The following DLG1 variants were observed in gnomAD, a reference collection of about 807,000 sequenced individuals.
DLG1 encodes disks large homolog 1.
A neutral mutation model predicts 123.4 loss-of-function variants in DLG1; 42 were observed. The observed-to-expected ratio is 0.34, with a 90% CI of 0.27 to 0.44. The LOEUF (loss-of-function observed/expected upper bound fraction) is 0.44. Ranked by LOEUF, DLG1 falls within the 20% of genes least tolerant of loss-of-function variation. The pLI is 1.00. For missense variants in DLG1, 942 were observed against 1,082.6 expected, an observed-to-expected ratio of 0.87 and a Z score of 1.82; for synonymous variants, 317 against 356.2, an observed-to-expected ratio of 0.89 and a Z score of 1.24.
intron 4 of DLG1, among the ~76,000 whole-genome samples, chr3:197,239,749 G>A (rs1747880651): frequency 1.4e-5 from 2 of 145,222 alleles, no homozygotes; most frequent in Admixed American, 1.4e-4. Context: ...TCCTCTCACA[G>A]AAAACCAAAA....
At chr3:197,223,757 T>C (rs187232735) in intron 4 of DLG1, among the ~76,000 whole-genome samples, 1 of 152,348 alleles carries the variant, frequency 6.6e-6, no homozygotes, top group Non-Finnish European at 1.5e-5. Context: ...TAACTAGAAG[T>C]TGTGGGATAA....
intron 4 of DLG1, among the ~76,000 whole-genome samples, chr3:197,243,481 AGTTT>A (rs1430181910): frequency 6.6e-6 from 1 of 152,228 alleles, no homozygotes; most frequent in Non-Finnish European, 1.5e-5. Flanking sequence ...TAGAAGTAAA[AGTTT>A]GTTAAACTAG....
intron 5 of DLG1, among the ~76,000 whole-genome samples, chr3:197,154,399 G>C (rs1795385612): frequency 6.6e-6 from 1 of 152,088 alleles, no homozygotes; most frequent in Non-Finnish European, 1.5e-5. Context: ...AAGATGGCCG[G>C]GCACAGTGGC....
At chr3:197,256,499 G>A (rs1422951022) in intron 4 of DLG1, among the ~76,000 whole-genome samples, 6 of 152,186 alleles carry the variant, frequency 3.9e-5, no homozygotes, top group Non-Finnish European at 5.9e-5. Context: ...CTCCACTCAC[G>A]GTGAAAAACA....
intron 14 of DLG1, among the ~76,000 whole-genome samples, chr3:197,096,378 G>C (rs1356866404): frequency 6.6e-6 from 1 of 152,118 alleles, no homozygotes; most frequent in Non-Finnish European, 1.5e-5. Context: ...ACTGGGCTCT[G>C]AGCATTCCCA....
intron 5 of DLG1, among the ~76,000 whole-genome samples, chr3:197,179,176 G>T (rs911212335): frequency 6.6e-6 from 1 of 152,164 alleles, no homozygotes; most frequent in Non-Finnish European, 1.5e-5. Context: ...CTGCAATCCG[G>T]ATGGTCTGGA....
Position 197,138,238 on chromosome 3 carries a change from G to C in DLG1, c.867C>G (p.Leu289=). 1.1e-5 allele frequency: 18 copies of C among 1,583,166 alleles called. No individual in the cohort carries two copies. The highest frequency in any genetic ancestry group is 1.6e-5 in the Non-Finnish European group (18 of 1,160,604). ...ACCACATACCTTTAGGACCTTTAAT[G>C]AGCTTTATTTCCATTATTTTTTCTG... ...PVSEKIMEIK[L]IKGPKGLGFS... is the part of the protein sequence containing the mutation. The change falls in exon 9 of 25, where the codon CTC becomes CTG. Residue 289 remains leucine (L), a synonymous_variant. Transcript: ENST00000667157.
intron 24 of DLG1, among the ~76,000 whole-genome samples, chr3:197,046,691 G>A (rs550031595): frequency 9.9e-5 from 15 of 152,210 alleles, no homozygotes; most frequent in South Asian, 2.1e-4. Context: ...GCAACATGGC[G>A]AAATCCTGTC....
intron 5 of DLG1, among the ~76,000 whole-genome samples, chr3:197,179,467 T>C (rs1247674072): frequency 6.6e-6 from 1 of 152,188 alleles, no homozygotes; most frequent in Admixed American, 6.5e-5. Flanking sequence ...AAAAAGTGGA[T>C]GGCTTGTACT....
rs182295718 is a variant in DLG1 at position 197,200,097 on chromosome 3, A to G, written c.319-5508T>C. On this transcript the variant is annotated intron_variant, in intron 4 of 24. Coordinates refer to ENST00000667157, the MANE Select transcript of DLG1 (RefSeq NM_001366207.1). ...ACTAAATTACTACTTCATTCCTGTT[A>G]GATAATTTCCAGATATCTTTCTTTA... is the stretch of plus-strand genomic sequence containing the variant. Among the ~76,000 whole-genome samples the G allele has an allele frequency of 6.0e-4, 91 of 152,284 alleles. 2 individuals are homozygous for G. In the East Asian group the frequency reaches 0.013, roughly 21 times the overall value.
In DLG1 at chr3:197,051,568, G is replaced by T. The variant is rs534071489; in HGVS notation, c.2575+9C>A. 8.1e-6 allele frequency: 13 copies of T among 1,609,184 alleles called. No individual in the cohort carries two copies. The South Asian group carries it at 1.1e-4, about 14-fold the overall frequency. Reference sequence around the variant, plus strand: ...ATCTTAAAGAGGACTGTTACAACACGGTTCCAACCTGTGAAATGTTCAGTA... The same window carrying T: ...ATCTTAAAGAGGACTGTTACAACACTGTTCCAACCTGTGAAATGTTCAGTA... On this transcript the variant is annotated intron_variant, in intron 24 of 24. Coordinates refer to ENST00000667157, the MANE Select transcript of DLG1 (RefSeq NM_001366207.1).
At chr3:197,244,576 G>C (rs186671031) in intron 4 of DLG1, among the ~76,000 whole-genome samples, 2 of 152,170 alleles carry the variant, frequency 1.3e-5, no homozygotes, top group Admixed American at 1.3e-4. Context: ...AGAAAAAAAG[G>C]CACTATAAGA....
chr3:197,133,953 A>C (rs1783887797), intron 10 of DLG1, among the ~76,000 whole-genome samples: 2 of 152,242 alleles, frequency 1.3e-5, no homozygotes, highest in African/African-American at 4.8e-5. Flanking sequence ...AGTTGATTTA[A>C]GAGAGAGACT....
intron 4 of DLG1, among the ~76,000 whole-genome samples, chr3:197,259,904 C>T (rs1758595454): frequency 2.6e-5 from 4 of 152,202 alleles, no homozygotes; most frequent in Middle Eastern, 3.4e-3. Context: ...GCTCTCAAAA[C>T]GAGTTATACT....
intron 14 of DLG1, among the ~76,000 whole-genome samples, chr3:197,101,730 T>C (rs1763572766): frequency 6.6e-6 from 1 of 152,110 alleles, no homozygotes; most frequent in Non-Finnish European, 1.5e-5. Context: ...TAAAACTTTA[T>C]AACTTTGGGA....
chr3:197,126,025 T>C (rs566193856), intron 11 of DLG1, among the ~76,000 whole-genome samples: 1 of 152,348 alleles, frequency 6.6e-6, no homozygotes, highest in Admixed American at 6.5e-5. Context: ...AGATTGTTTA[T>C]GAATTGCATA....
intron 4 of DLG1, among the ~76,000 whole-genome samples, chr3:197,218,201 CACTT>C (rs1561511819): frequency 6.6e-6 from 1 of 152,150 alleles, no homozygotes; most frequent in Non-Finnish European, 1.5e-5. Context: ...AAATATCCAA[CACTT>C]ACAAAAACGA....
chr3:197,043,343 GACA>G lies in DLG1; in HGVS notation c.*1277_*1279del, dbSNP rs1553853421. The G allele has an allele frequency of 6.6e-6, 1 of 152,024 alleles. No individual in the cohort carries two copies. The allele number at this position is 152,024 out of a possible 1,614,324, so 9.4% of individuals were successfully genotyped here. On this transcript the variant is annotated 3_prime_UTR_variant, in exon 25 of 25. Coordinates refer to ENST00000667157, the MANE Select transcript of DLG1 (RefSeq NM_001366207.1). Reference sequence around the variant, plus strand: ...TGACAAGAACAACAGTAACAACACGGACAACAACAAAAAACCTCAGGAACCATT... The same window carrying G: ...TGACAAGAACAACAGTAACAACACGGACAACAAAAAACCTCAGGAACCATT...
chr3:197,178,209 G>A (rs965357559), intron 5 of DLG1, among the ~76,000 whole-genome samples: 2 of 152,170 alleles, frequency 1.3e-5, no homozygotes, highest in African/African-American at 4.8e-5. Context: ...GAAGTTAGAT[G>A]TCTACTGCTG....
Sources: allele counts gnomAD v4.1 joint callset (sites outside exome capture counted in the v4.1 genomes callset), GRCh38; gene constraint gnomAD v4.1.1; transcripts MANE v1.5; gene names NCBI Gene and HGNC (gene_info 2026-07-23, HGNC 2026-07-21).